OTUD7A: variants seen among roughly 807,000 people sequenced by gnomAD.
The protein encoded by OTUD7A is OTU domain-containing protein 7A.
In OTUD7A, 12 loss-of-function variants were observed where a neutral mutation model predicts 65.7. The ratio of observed to expected loss-of-function variants is 0.18; its 90% CI spans 0.12 to 0.30. OTUD7A has a LOEUF of 0.30. OTUD7A is among the 10% of genes least tolerant of loss of function. The pLI is 1.00. For synonymous variants in OTUD7A, 641 were observed against 586.3 expected (o/e 1.09, Z -1.35); for missense variants, 1,148 against 1,304.8 (o/e 0.88, Z 1.85).
At chr15:31,694,884 C>T (rs1318147351) in intron 1 of OTUD7A, among the ~76,000 whole-genome samples, 6 of 151,384 alleles carry the variant, frequency 4.0e-5, no homozygotes, top group Admixed American at 2.0e-4. Flanking sequence ...CTTGCTCTGT[C>T]GCCCAGGTTG....
chr15:31,562,544 G>A (rs530557957), intron 4 of OTUD7A, among the ~76,000 whole-genome samples: 26 of 151,906 alleles, frequency 1.7e-4, no homozygotes, highest in Admixed American at 2.6e-4. Flanking sequence ...GCGCCTCCCC[G>A]TGTGGCCCTG....
chr15:31,651,037 G>C (rs1313792643), intron 3 of OTUD7A, among the ~76,000 whole-genome samples: 1 of 134,462 alleles, frequency 7.4e-6, no homozygotes, highest in East Asian at 2.3e-4. Flanking sequence ...GACTGAATCT[G>C]AATAACAGAC....
chr15:31,607,523 A>C (rs1036548125), intron 3 of OTUD7A, among the ~76,000 whole-genome samples: 2 of 152,192 alleles, frequency 1.3e-5, no homozygotes, highest in African/African-American at 4.8e-5. Flanking sequence ...CCATAGCCTA[A>C]AATTATATCT....
intron 1 of OTUD7A, among the ~76,000 whole-genome samples, chr15:31,693,075 A>G: frequency 6.6e-6 from 1 of 152,168 alleles, no homozygotes; most frequent in Non-Finnish European, 1.5e-5. Context: ...AGGAAGGTGC[A>G]GGAGAGATGC....
chr15:31,550,717 T>C (rs1310915325), intron 5 of OTUD7A, among the ~76,000 whole-genome samples: 1 of 152,192 alleles, frequency 6.6e-6, no homozygotes, highest in Non-Finnish European at 1.5e-5. Context: ...TGTTTTAAGC[T>C]GCCAAATGTG....
intron 1 of OTUD7A, among the ~76,000 whole-genome samples, chr15:31,664,303 C>T (rs1892257612): frequency 7.9e-6 from 1 of 126,508 alleles, no homozygotes; most frequent in African/African-American, 4.2e-5. Flanking sequence ...ATTCCCTGTT[C>T]ACCACATCCA....
intron 5 of OTUD7A, among the ~76,000 whole-genome samples, chr15:31,555,319 A>G (rs1307904758): frequency 1.3e-5 from 2 of 152,222 alleles, no homozygotes; most frequent in Non-Finnish European, 2.9e-5. Context: ...CCCTTAAACA[A>G]ATGGATTTTT....
At chr15:31,534,588 C>A (rs140277080) in intron 5 of OTUD7A, among the ~76,000 whole-genome samples, 1 of 152,094 alleles carries the variant, frequency 6.6e-6, no homozygotes. Flanking sequence ...AATCTGTATT[C>A]GCAAATCAGA....
chr15:31,600,674 TAA>T (rs1192275774), intron 3 of OTUD7A, among the ~76,000 whole-genome samples: 1 of 152,114 alleles, frequency 6.6e-6, no homozygotes, highest in Non-Finnish European at 1.5e-5. Flanking sequence ...GCAAATTGGA[TAA>T]AGAGTCAAGA....
rs2041188903 is a variant in OTUD7A, at chr15:31,484,019, CGG to C, written c.2075_2076del (p.Ala692GlyfsTer192). The C allele has an allele frequency of 4.9e-6, 6 of 1,214,036 alleles. No individual in the cohort carries two copies. The highest frequency in any genetic ancestry group is 6.1e-6 in the Non-Finnish European group (6 of 978,674). The allele number at this position is 1,214,036 out of a possible 1,614,324, so 75.2% of individuals were successfully genotyped here. ...GGCCGCTTGGCCGTGGCGGCGGCGG[CGG>C]CGGCGGCAGCGGCGGCCGCAGTAGC... ...DAATAAAAAA[A>X]AAAATAKRPP... is the part of the protein sequence containing the mutation. On this transcript the variant is annotated frameshift_variant, in exon 13 of 13. Coordinates refer to ENST00000307050, the MANE Select transcript of OTUD7A (RefSeq NM_001382637.1). LOFTEE classifies it low-confidence loss of function (END_TRUNC). This position sits in a 1 kb window ranked among gnomAD's most constrained non-coding sequence, Gnocchi z 4.5.
chr15:31,795,562 T>C (rs1895930188), intron 1 of OTUD7A, among the ~76,000 whole-genome samples: 1 of 152,112 alleles, frequency 6.6e-6, no homozygotes. Flanking sequence ...GTGAGAACAG[T>C]GGGTTGGAGT....
At position 31,859,115 on chromosome 15, in the gene OTUD7A, G is replaced by A. The variant is rs557726715; in HGVS notation, c.-100+11392C>T. On this transcript the variant is annotated intron_variant, in intron 1 of 12. Coordinates refer to ENST00000307050, the MANE Select transcript of OTUD7A (RefSeq NM_001382637.1). ...ATGCTGTATGCAAGTTAACAAACCT[G>A]GCAAACAGTTTGATTTCCTTCTGCA... Among the ~76,000 whole-genome samples the A allele has an allele frequency of 5.3e-5, 8 of 152,308 alleles. No homozygotes were observed. The South Asian group carries it at 1.2e-3, about 24-fold the overall frequency.
intron 4 of OTUD7A, among the ~76,000 whole-genome samples, chr15:31,565,291 T>A (rs1471212): frequency 0.57 from 86,316 of 152,044 alleles, 25,810 homozygotes; most frequent in East Asian, 0.91. Flanking sequence ...GAAGAAGAAC[T>A]TACAATTATT....
At chr15:31,840,910 A>T (rs955850222) in intron 1 of OTUD7A, among the ~76,000 whole-genome samples, 6 of 152,234 alleles carry the variant, frequency 3.9e-5, no homozygotes, top group Non-Finnish European at 8.8e-5. Context: ...TGGCAAAGGA[A>T]TACCCAAAGT....
At chr15:31,812,938 C>T (rs1435544689) in intron 1 of OTUD7A, among the ~76,000 whole-genome samples, 1 of 152,028 alleles carries the variant, frequency 6.6e-6, no homozygotes, top group Admixed American at 6.6e-5. Context: ...CACTAAGCTC[C>T]GCACACACAC....
At chr15:31,571,110 C>T (rs1056009117) in intron 3 of OTUD7A, among the ~76,000 whole-genome samples, 12 of 152,110 alleles carry the variant, frequency 7.9e-5, no homozygotes, top group African/African-American at 2.9e-4. Flanking sequence ...GATCATTATA[C>T]ATTGTAGGCT....
At chr15:31,514,245 C>T (rs149932110) in intron 8 of OTUD7A, among the ~76,000 whole-genome samples, 1 of 151,906 alleles carries the variant, frequency 6.6e-6, no homozygotes, top group East Asian at 1.9e-4. Context: ...GAGACGGGGT[C>T]TCGCTATGTT....
chr15:31,768,396 T>C (rs1386185258), intron 1 of OTUD7A, among the ~76,000 whole-genome samples: 1 of 152,228 alleles, frequency 6.6e-6, no homozygotes, highest in Admixed American at 6.5e-5. Context: ...TGGTGGCTTA[T>C]GCCTGTAATC....
At chr15:31,509,028 G>C (rs2041630564) in intron 8 of OTUD7A, among the ~76,000 whole-genome samples, 2 of 152,148 alleles carry the variant, frequency 1.3e-5, no homozygotes, top group Admixed American at 1.3e-4. Flanking sequence ...TAACATTAAT[G>C]TGCTATTAAT....
Sources: allele counts gnomAD v4.1 joint callset (sites outside exome capture counted in the v4.1 genomes callset), GRCh38; gene constraint gnomAD v4.1.1; non-coding constraint Gnocchi (gnomAD v3.1); transcripts MANE v1.5; gene names NCBI Gene and HGNC (gene_info 2026-07-23, HGNC 2026-07-21).